Variants in OXCT1 observed in about 807,000 individuals in gnomAD.
OXCT1 encodes the protein succinyl-CoA:3-ketoacid coenzyme A transferase 1, mitochondrial.
OXCT1 carries 27 observed loss-of-function variants against 69.6 expected under a neutral mutation model. The ratio of observed to expected loss-of-function variants is 0.39; its 90% CI spans 0.29 to 0.54. The LOEUF (loss-of-function observed/expected upper bound fraction) is 0.54. OXCT1 is among the 20% of genes least tolerant of loss of function. OXCT1 has a pLI of 0.72. For missense variants in OXCT1, 437 were observed against 650.2 expected (o/e 0.67, Z 3.57); for synonymous variants, 202 against 217.8 (o/e 0.93, Z 0.64).
At chr5:41,747,737 G>A (rs1362300793) in intron 15 of OXCT1, among the ~76,000 whole-genome samples, 4 of 152,070 alleles carry the variant, frequency 2.6e-5, no homozygotes, top group Admixed American at 6.6e-5. Context: ...CAAGTAGGGA[G>A]AAAGTTAAAG....
At chr5:41,735,502 T>C (rs1742842376) in intron 16 of OXCT1, among the ~76,000 whole-genome samples, 1 of 152,236 alleles carries the variant, frequency 6.6e-6, no homozygotes, top group Non-Finnish European at 1.5e-5. Context: ...TAGAGATCTG[T>C]TGTATAACAA....
At chr5:41,866,445 T>C (rs544075563) in intron 1 of OXCT1, among the ~76,000 whole-genome samples, 21 of 152,322 alleles carry the variant, frequency 1.4e-4, no homozygotes, top group African/African-American at 3.8e-4. Context: ...ATTGTCCAAG[T>C]ATCACAGTTT....
At chr5:41,854,974 G>A (rs1021174099) in intron 3 of OXCT1, among the ~76,000 whole-genome samples, 2 of 152,162 alleles carry the variant, frequency 1.3e-5, no homozygotes, top group African/African-American at 4.8e-5. Flanking sequence ...CAAGACATGT[G>A]CAAGAAAATT....
intron 13 of OXCT1, among the ~76,000 whole-genome samples, chr5:41,792,099 G>A (rs143243197): frequency 2.1e-3 from 325 of 152,246 alleles, no homozygotes; most frequent in African/African-American, 7.5e-3. Context: ...CACTGCGTCC[G>A]GCCCGCAACT....
At chr5:41,850,258 C>T in intron 4 of OXCT1, 79 bp from the exon 5 acceptor site, 8 of 1,509,262 alleles carry the variant, frequency 5.3e-6, no homozygotes, top group Non-Finnish European at 7.3e-6. Context: ...GACGTGGTTC[C>T]TACTATCTAG....
At chr5:41,846,702 G>A (rs1365146620) in intron 5 of OXCT1, among the ~76,000 whole-genome samples, 4 of 152,278 alleles carry the variant, frequency 2.6e-5, no homozygotes, top group Admixed American at 1.3e-4. Flanking sequence ...CTGAGGAATC[G>A]CCACACTGAC....
intron 12 of OXCT1, chr5:41,794,300 A>G: frequency 1.6e-6 from 1 of 611,622 alleles, no homozygotes; most frequent in South Asian, 2.0e-5. Flanking sequence ...ATAACAAACT[A>G]TGAACAGGTG....
At chr5:41,770,642 C>A (rs1744834000) in intron 13 of OXCT1, among the ~76,000 whole-genome samples, 5 of 152,110 alleles carry the variant, frequency 3.3e-5, no homozygotes, top group African/African-American at 1.2e-4. Flanking sequence ...CTTGAATGCC[C>A]TCTCAATGTT....
intron 3 of OXCT1, among the ~76,000 whole-genome samples, chr5:41,856,758 G>A (rs991311162): frequency 2.6e-5 from 4 of 152,154 alleles, no homozygotes; most frequent in Admixed American, 6.5e-5. Flanking sequence ...GAAAACTAAT[G>A]CCTAAGTAAC....
intron 15 of OXCT1, among the ~76,000 whole-genome samples, chr5:41,742,206 A>C (rs1579636805): frequency 6.6e-6 from 1 of 152,366 alleles, no homozygotes; most frequent in East Asian, 1.9e-4. Context: ...TAGATATATT[A>C]GAAAACCAAG....
At chr5:41,763,557 A>G (rs1744451001) in intron 13 of OXCT1, among the ~76,000 whole-genome samples, 2 of 152,172 alleles carry the variant, frequency 1.3e-5, no homozygotes, top group Non-Finnish European at 2.9e-5. Context: ...GAAGCAATCA[A>G]TGCCTATCAA....
intron 14 of OXCT1, among the ~76,000 whole-genome samples, chr5:41,761,687 A>G (rs1420638498): frequency 6.6e-6 from 1 of 152,156 alleles, no homozygotes; most frequent in Non-Finnish European, 1.5e-5. Context: ...CATATGGTCC[A>G]TTTGAAAATA....
chr5:41,836,970 A>G (rs1434760445), intron 7 of OXCT1, among the ~76,000 whole-genome samples: 2 of 152,200 alleles, frequency 1.3e-5, no homozygotes, highest in Admixed American at 6.5e-5. Flanking sequence ...TTCACAATAA[A>G]CATACTCATT....
intron 13 of OXCT1, among the ~76,000 whole-genome samples, chr5:41,782,513 G>A (rs1745457804): frequency 1.3e-5 from 2 of 152,174 alleles, no homozygotes; most frequent in South Asian, 2.1e-4. Context: ...TGCCCCAGGA[G>A]CTTTTTTTCC....
chr5:41,840,557 A>C (rs1449847279), intron 6 of OXCT1, 46 bp from the exon 7 acceptor site: 3 of 1,166,420 alleles, frequency 2.6e-6, no homozygotes, highest in Non-Finnish European at 3.9e-6. Context: ...AAAGACGAAA[A>C]ATAAGCATCT....
At chr5:41,859,802 ATT>A (rs1749630462) in intron 3 of OXCT1, among the ~76,000 whole-genome samples, 2 of 148,512 alleles carry the variant, frequency 1.3e-5, no homozygotes, top group African/African-American at 5.0e-5. Context: ...ACAACCAGAC[ATT>A]TTAGAGTGAT....
At chr5:41,833,750 T>C (rs907331038) in intron 7 of OXCT1, among the ~76,000 whole-genome samples, 16 of 152,050 alleles carry the variant, frequency 1.1e-4, no homozygotes, top group East Asian at 3.9e-4. Context: ...TTAAAAAGCA[T>C]AGGGGTGAAG....
intron 7 of OXCT1, among the ~76,000 whole-genome samples, chr5:41,813,870 T>A (rs535974411): frequency 6.6e-6 from 1 of 152,230 alleles, no homozygotes; most frequent in East Asian, 1.9e-4. Flanking sequence ...GACATAAAAC[T>A]GTCTGGTTGT....
chr5:41,801,120 T>A (rs754101080), intron 10 of OXCT1, 50 bp from the exon 11 acceptor site: 2 of 1,332,460 alleles, frequency 1.5e-6, no homozygotes, highest in South Asian at 2.3e-5. Context: ...TCTCACTGAA[T>A]CACATATTAG....
Sources: gnomAD v4.1 joint callset for allele counts (sites outside exome capture counted in the v4.1 genomes callset) on GRCh38, gnomAD v4.1.1 for gene constraint, MANE v1.5 for transcripts, NCBI Gene and HGNC (gene_info 2026-07-23, HGNC 2026-07-21) for gene names.